The following SGCZ variants were observed in gnomAD, a reference collection of about 807,000 sequenced individuals.
The protein encoded by SGCZ is zeta-sarcoglycan.
SGCZ carries 40 observed loss-of-function variants against 41.3 expected under a neutral mutation model. The observed-to-expected ratio is 0.97, with a 90% CI of 0.75 to 1.26. The LOEUF (loss-of-function observed/expected upper bound fraction) is 1.26. Among genes scored for constraint, SGCZ ranks in the 50% most tolerant of loss-of-function variants. The pLI is 0.00. For synonymous variants in SGCZ, 206 were observed against 137.5 expected, an observed-to-expected ratio of 1.50 and a Z score of -3.49; for missense variants, 552 against 369.8, an observed-to-expected ratio of 1.49 and a Z score of -4.04.
chr8:14,879,231 G>C (rs1318900342), intron 1 of SGCZ: 1 of 152,170 alleles, frequency 6.6e-6, no homozygotes, highest in Non-Finnish European at 1.5e-5. Flanking sequence ...AGGAGGCTGA[G>C]GAGGGAGGAT....
chr8:14,489,254 A>G (rs551114417), intron 2 of SGCZ, among the ~76,000 whole-genome samples: 1 of 152,274 alleles, frequency 6.6e-6, no homozygotes, highest in South Asian at 2.1e-4. Flanking sequence ...TAAAAATTAA[A>G]CATTTTAAAC....
chr8:14,385,598 C>G (rs545778544), intron 2 of SGCZ, among the ~76,000 whole-genome samples: 1 of 152,188 alleles, frequency 6.6e-6, no homozygotes, highest in Admixed American at 6.5e-5. Flanking sequence ...GTCATTCTGA[C>G]TTTGAGTGTA....
chr8:14,587,374 T>TAA (rs200503901), intron 1 of SGCZ, among the ~76,000 whole-genome samples: 44 of 138,468 alleles, frequency 3.2e-4, no homozygotes, highest in African/African-American at 1.1e-3. Context: ...CATTTGGAGC[T>TAA]AAAAAAAAAA....
chr8:15,065,503 G>T (rs1204186623), intron 1 of SGCZ, among the ~76,000 whole-genome samples: 1 of 151,082 alleles, frequency 6.6e-6, no homozygotes, highest in African/African-American at 2.4e-5. Flanking sequence ...GGAGTGCAGT[G>T]GCAGGATCTC....
At chr8:14,460,969 A>G (rs1424917518) in intron 2 of SGCZ, among the ~76,000 whole-genome samples, 1 of 152,066 alleles carries the variant, frequency 6.6e-6, no homozygotes, top group Admixed American at 6.6e-5. Flanking sequence ...CTAGATTTTG[A>G]TTATTTAATC....
At chr8:14,589,981 A>C (rs1805188802) in intron 1 of SGCZ, among the ~76,000 whole-genome samples, 1 of 151,952 alleles carries the variant, frequency 6.6e-6, no homozygotes, top group African/African-American at 2.4e-5. Context: ...TATGAAGCCA[A>C]CTCTTTGCCC....
chr8:14,436,534 T>C (rs1448337515), intron 2 of SGCZ, among the ~76,000 whole-genome samples: 3 of 152,172 alleles, frequency 2.0e-5, no homozygotes, highest in African/African-American at 7.2e-5. Context: ...ACCATATTTA[T>C]CTTTTACTTG....
intron 1 of SGCZ, among the ~76,000 whole-genome samples, chr8:15,134,523 A>G (rs543532277): frequency 6.6e-6 from 1 of 152,098 alleles, no homozygotes; most frequent in South Asian, 2.1e-4. Context: ...TTCCTTTTAT[A>G]TAATAAAATC....
intron 1 of SGCZ, among the ~76,000 whole-genome samples, chr8:14,575,367 G>T (rs1804675442): frequency 6.6e-6 from 1 of 152,116 alleles, no homozygotes; most frequent in Admixed American, 6.5e-5. Context: ...CTTAAAAACT[G>T]GTTGTGTCCA....
intron 1 of SGCZ, among the ~76,000 whole-genome samples, chr8:14,746,775 G>T (rs1356166570): frequency 6.6e-6 from 1 of 152,134 alleles, no homozygotes; most frequent in Non-Finnish European, 1.5e-5. Context: ...TTGTGTGTTT[G>T]TGTGTATACC....
In SGCZ at chr8:14,563,928, A is replaced by G. The variant is rs796242856; in HGVS notation, c.40-9002T>C. ...ACAATTTATAATATTACTCACGTAA[A>G]CCCTGAATATAATGAGGAGAGACAT... is the stretch of plus-strand genomic sequence containing the variant. On this transcript the variant is annotated intron_variant, in intron 1 of 7. Coordinates refer to ENST00000382080, the MANE Select transcript of SGCZ (RefSeq NM_139167.4). 5.9e-5 allele frequency among the ~76,000 whole-genome samples: 9 copies of G among 152,194 alleles called. 1 individual carries two copies. Among genetic ancestry groups the G allele is most frequent in the African/African-American group, 2.2e-4 (9 of 41,548 alleles).
chr8:14,727,596 C>T lies in SGCZ; in HGVS notation c.40-172670G>A, dbSNP rs894884464. On this transcript the variant is annotated intron_variant, in intron 1 of 7. Transcript: ENST00000382080. Reference sequence around the variant, plus strand: ...CCAGATCTGAGCTCACCACAAGCTCCGCCTCCCGGATTCACGCCATTCTCC... The same window carrying T: ...CCAGATCTGAGCTCACCACAAGCTCTGCCTCCCGGATTCACGCCATTCTCC... Among the ~76,000 whole-genome samples the T allele has an allele frequency of 2.2e-4, 33 of 151,596 alleles. 1 individual carries two copies. The highest frequency in any genetic ancestry group is 7.0e-4 in the African/African-American group (29 of 41,238).
At chr8:14,151,290 A>G (rs1803701216) in intron 5 of SGCZ, among the ~76,000 whole-genome samples, 1 of 152,124 alleles carries the variant, frequency 6.6e-6, no homozygotes, top group African/African-American at 2.4e-5. Flanking sequence ...CCCCATAAAT[A>G]TATATGCATA....
At chr8:14,138,519 A>G (rs895635311) in intron 5 of SGCZ, among the ~76,000 whole-genome samples, 8 of 101,190 alleles carry the variant, frequency 7.9e-5, no homozygotes, top group East Asian at 1.2e-3. Context: ...AAACAAAAAA[A>G]AAAAAAGGGG....
Position 14,137,584 on chromosome 8 carries a change from T to A in SGCZ, c.547+26996A>T, listed in dbSNP as rs185479863. Among the ~76,000 whole-genome samples, 286 of 152,156 alleles carry A rather than the reference T, an allele frequency of 1.9e-3. 1 individual carries two copies. Among genetic ancestry groups the A allele is most frequent in the Non-Finnish European group, 3.4e-3 (228 of 68,004 alleles). ...AAGTGGAAAAAAGGGTATCAGTGAT[T>A]GAAAACCAAATAAATGACATGAAGT... On this transcript the variant is annotated intron_variant, in intron 5 of 7. Transcript: ENST00000382080.
Position 14,467,851 on chromosome 8 carries a change from C to G in SGCZ, c.234+86881G>C, listed in dbSNP as rs563215526. Among the ~76,000 whole-genome samples, 45 of 152,144 alleles carry G rather than the reference C, an allele frequency of 3.0e-4. No individual in the cohort carries two copies. The South Asian group carries it at 9.1e-3, about 31-fold the overall frequency. On this transcript the variant is annotated intron_variant, in intron 2 of 7. Coordinates refer to ENST00000382080, the MANE Select transcript of SGCZ (RefSeq NM_139167.4). ...TGACATCTTCTTAAATCAGATCCTA[C>G]TGATGCAAAGTCATTCTCTGAGAGT...
intron 3 of SGCZ, among the ~76,000 whole-genome samples, chr8:14,312,404 G>A (rs1801577186): frequency 6.6e-6 from 1 of 152,130 alleles, no homozygotes; most frequent in Non-Finnish European, 1.5e-5. Flanking sequence ...CCACGTACAT[G>A]CAAATATGTG....
At chr8:14,183,054 A>C (rs1804782345) in intron 4 of SGCZ, among the ~76,000 whole-genome samples, 1 of 151,532 alleles carries the variant, frequency 6.6e-6, no homozygotes, top group East Asian at 1.9e-4. Context: ...CGTAAAGTTG[A>C]TTAAGAAAAA....
At chr8:14,640,457 G>A (rs1806984199) in intron 1 of SGCZ, among the ~76,000 whole-genome samples, 1 of 151,638 alleles carries the variant, frequency 6.6e-6, no homozygotes, top group Admixed American at 6.6e-5. Context: ...CTTTTCTGCT[G>A]CATTTGCTCT....
Sources: allele counts gnomAD v4.1 joint callset (sites outside exome capture counted in the v4.1 genomes callset), GRCh38; gene constraint gnomAD v4.1.1; transcripts MANE v1.5; gene names NCBI Gene and HGNC (gene_info 2026-07-23, HGNC 2026-07-21).